Variants in DCC observed in about 807,000 individuals in gnomAD.
DCC encodes DCC netrin 1 receptor, also known as netrin receptor DCC.
Under a neutral mutation model 172.5 loss-of-function variants are expected in DCC, and 58 were observed. The observed-to-expected ratio is 0.34, with a 90% CI of 0.27 to 0.42. The LOEUF (loss-of-function observed/expected upper bound fraction) is 0.42. Among genes scored for constraint, DCC ranks in the 10% least tolerant of loss-of-function variants. DCC has a pLI of 1.00. For synonymous variants in DCC, 709 were observed against 644.5 expected (o/e 1.10, Z -1.52); for missense variants, 1,740 against 1,791.0 (o/e 0.97, Z 0.51).
Position 53,526,639 on chromosome 18 carries a change from T to C in DCC, c.4134T>C (p.His1378=), listed in dbSNP as rs777982992. 5 of 1,613,552 alleles carry C rather than the reference T, an allele frequency of 3.1e-6. No homozygotes were observed. Among genetic ancestry groups the C allele is most frequent in the African/African-American group, 2.7e-5 (2 of 75,006 alleles). Residue 1378 remains histidine (H), a synonymous_variant, in exon 28 of 29, where the codon CAT becomes CAC. Coordinates refer to ENST00000442544, the MANE Select transcript of DCC (RefSeq NM_005215.4). ...SQPGPTLPKT[H]VKTASLGLAG... is the part of the protein sequence containing the mutation. Reference sequence around the variant, plus strand: ...CAGGGCCCACTCTTCCTAAGACCCATGTGAAAACAGCCTCCCTTGGGTTGG... The same window carrying C: ...CAGGGCCCACTCTTCCTAAGACCCACGTGAAAACAGCCTCCCTTGGGTTGG...
At chr18:52,648,458 G>A (rs146797107) in intron 1 of DCC, among the ~76,000 whole-genome samples, 11 of 152,204 alleles carry the variant, frequency 7.2e-5, no homozygotes, top group South Asian at 2.1e-4. Context: ...AAAGTATCGC[G>A]TAACTATGTG....
intron 2 of DCC, among the ~76,000 whole-genome samples, chr18:52,888,284 C>T (rs1209569354): frequency 2.0e-5 from 3 of 152,182 alleles, no homozygotes; most frequent in African/African-American, 7.2e-5. Flanking sequence ...GATTTACACC[C>T]TCTGATTTCT....
intron 12 of DCC, among the ~76,000 whole-genome samples, chr18:53,260,178 C>T (rs936804574): frequency 1.3e-4 from 20 of 151,954 alleles, no homozygotes; most frequent in Non-Finnish European, 2.4e-4. Context: ...GTAGTTTGAT[C>T]GTCTGAAGCC....
At chr18:52,643,446 C>G (rs1429611124) in intron 1 of DCC, among the ~76,000 whole-genome samples, 1 of 152,170 alleles carries the variant, frequency 6.6e-6, no homozygotes, top group Non-Finnish European at 1.5e-5. Flanking sequence ...AATTGGCCAT[C>G]CTTCGCAATG....
intron 12 of DCC, among the ~76,000 whole-genome samples, chr18:53,296,104 T>C (rs964354719): frequency 6.6e-6 from 1 of 152,128 alleles, no homozygotes; most frequent in Non-Finnish European, 1.5e-5. Flanking sequence ...CAGTTCACAG[T>C]AGAAACAAAT....
intron 2 of DCC, among the ~76,000 whole-genome samples, chr18:52,769,107 G>T (rs2037300021): frequency 1.3e-5 from 2 of 152,188 alleles, no homozygotes; most frequent in South Asian, 4.1e-4. Context: ...TATGTATTGA[G>T]AATTATTTCA....
At chr18:52,449,239 C>T (rs1005897523) in intron 1 of DCC, among the ~76,000 whole-genome samples, 1 of 152,214 alleles carries the variant, frequency 6.6e-6, no homozygotes, top group African/African-American at 2.4e-5. Flanking sequence ...CACTGTGTCC[C>T]TCCCACAACA....
chr18:52,807,697 C>A (rs1319075170), intron 2 of DCC, among the ~76,000 whole-genome samples: 1 of 152,148 alleles, frequency 6.6e-6, no homozygotes, highest in Non-Finnish European at 1.5e-5. Flanking sequence ...CTTTTTGCCT[C>A]TGGACAGGTT....
intron 2 of DCC, among the ~76,000 whole-genome samples, chr18:52,798,320 G>A (rs576828512): frequency 6.6e-6 from 1 of 152,324 alleles, no homozygotes; most frequent in African/African-American, 2.4e-5. Context: ...GGTAGAAGTA[G>A]CAGACTAGTC....
intron 27 of DCC, among the ~76,000 whole-genome samples, chr18:53,510,719 T>TC (rs978827703): frequency 7.9e-5 from 12 of 152,330 alleles, no homozygotes; most frequent in African/African-American, 2.4e-4. Flanking sequence ...TTATATTGGC[T>TC]CCCCATTTAA....
intron 1 of DCC, among the ~76,000 whole-genome samples, chr18:52,732,910 C>T (rs1031492322): frequency 6.6e-6 from 1 of 152,024 alleles, no homozygotes; most frequent in Admixed American, 6.6e-5. Flanking sequence ...TTCATGCTGT[C>T]CTGATGTGTT....
At chr18:52,457,074 G>A (rs553458078) in intron 1 of DCC, among the ~76,000 whole-genome samples, 1 of 152,016 alleles carries the variant, frequency 6.6e-6, no homozygotes, top group East Asian at 1.9e-4. Flanking sequence ...TTCATTTCTG[G>A]TTCTCTTTGT....
chr18:52,534,504 T>C (rs910888901), intron 1 of DCC, among the ~76,000 whole-genome samples: 3 of 152,126 alleles, frequency 2.0e-5, no homozygotes, highest in Non-Finnish European at 4.4e-5. Flanking sequence ...CCCTATGGTC[T>C]AAGTCATCTT....
chr18:53,085,744 T>C (rs1050627094), intron 7 of DCC, among the ~76,000 whole-genome samples: 2 of 151,896 alleles, frequency 1.3e-5, no homozygotes, highest in Non-Finnish European at 2.9e-5. Flanking sequence ...TCTCCAAAAC[T>C]ACACTTTTGT....
At chr18:52,876,910 A>G (rs752745346) in intron 2 of DCC, among the ~76,000 whole-genome samples, 1 of 152,206 alleles carries the variant, frequency 6.6e-6, no homozygotes, top group African/African-American at 2.4e-5. Flanking sequence ...CCATTTCCCT[A>G]GAATAGTGTT....
At chr18:52,789,108 C>T (rs185978380) in intron 2 of DCC, among the ~76,000 whole-genome samples, 1 of 152,214 alleles carries the variant, frequency 6.6e-6, no homozygotes, top group Non-Finnish European at 1.5e-5. Context: ...TCTAGTTATT[C>T]CCCACACTAA....
chr18:53,042,394 G>T (rs1338056970), intron 5 of DCC, among the ~76,000 whole-genome samples: 1 of 151,926 alleles, frequency 6.6e-6, no homozygotes, highest in Non-Finnish European at 1.5e-5. Context: ...ATGTGCTGCT[G>T]GATTCAGTTT....
At chr18:53,405,984 AT>A (rs1442034602) in intron 19 of DCC, among the ~76,000 whole-genome samples, 2 of 152,182 alleles carry the variant, frequency 1.3e-5, no homozygotes, top group Non-Finnish European at 2.9e-5. Context: ...TGAGATTTTA[AT>A]TTAATTCATA....
At chr18:53,230,201 C>G (rs974988409) in intron 12 of DCC, among the ~76,000 whole-genome samples, 3 of 152,050 alleles carry the variant, frequency 2.0e-5, no homozygotes, top group African/African-American at 4.8e-5. Context: ...TTTACTTTGG[C>G]AAATTTAATT....
Sources: gnomAD v4.1 joint callset for allele counts (sites outside exome capture counted in the v4.1 genomes callset) on GRCh38, gnomAD v4.1.1 for gene constraint, MANE v1.5 for transcripts, NCBI Gene and HGNC (gene_info 2026-07-23, HGNC 2026-07-21) for gene names.